SNTG1: variants seen among roughly 807,000 people sequenced by gnomAD.
SNTG1 encodes the protein gamma-1-syntrophin.
A neutral mutation model predicts 74.7 loss-of-function variants in SNTG1; 39 were observed. The observed-to-expected ratio is 0.52, with a 90% CI of 0.40 to 0.68. The LOEUF (loss-of-function observed/expected upper bound fraction) is 0.68. SNTG1 is among the 30% of genes least tolerant of loss of function. The pLI is 0.00. For missense variants in SNTG1, 685 were observed against 609.5 expected (o/e 1.12, Z -1.30); for synonymous variants, 254 against 217.1 (o/e 1.17, Z -1.49).
chr8:50,361,220 C>T (rs1178118745), intron 2 of SNTG1, among the ~76,000 whole-genome samples: 1 of 152,146 alleles, frequency 6.6e-6, no homozygotes, highest in Non-Finnish European at 1.5e-5. Flanking sequence ...TCAGAATCAT[C>T]AATATCACTG....
At chr8:50,688,910 G>C (rs1156441039) in intron 15 of SNTG1, among the ~76,000 whole-genome samples, 2 of 152,000 alleles carry the variant, frequency 1.3e-5, no homozygotes, top group Admixed American at 6.6e-5. Flanking sequence ...TCTCCCATTT[G>C]TTTGTATCCT....
At chr8:50,058,181 C>T (rs1820185414) in intron 1 of SNTG1, among the ~76,000 whole-genome samples, 1 of 152,040 alleles carries the variant, frequency 6.6e-6, no homozygotes. Flanking sequence ...GGGTTACCAC[C>T]AGAGGCACTT....
chr8:50,497,724 A>G (rs1315848517), intron 8 of SNTG1, among the ~76,000 whole-genome samples: 1 of 152,006 alleles, frequency 6.6e-6, no homozygotes, highest in Non-Finnish European at 1.5e-5. Context: ...CATTTACCCT[A>G]AAAGTTTAAT....
chr8:49,957,172 C>T (rs556928772), intron 1 of SNTG1, among the ~76,000 whole-genome samples: 41 of 152,322 alleles, frequency 2.7e-4, no homozygotes, highest in Non-Finnish European at 4.4e-4. Flanking sequence ...TTCTGCACCC[C>T]TAACTGGTGT....
intron 1 of SNTG1, among the ~76,000 whole-genome samples, chr8:49,943,632 G>A (rs1808896244): frequency 6.6e-6 from 1 of 152,164 alleles, no homozygotes; most frequent in Admixed American, 6.5e-5. Context: ...TTGCCCTTCT[G>A]GCCCTATAAT....
chr8:50,199,829 G>C (rs145273166), intron 2 of SNTG1, among the ~76,000 whole-genome samples: 7 of 152,222 alleles, frequency 4.6e-5, no homozygotes, highest in Admixed American at 2.6e-4. Flanking sequence ...CGTGGTTTCA[G>C]TTTCATCAGT....
intron 8 of SNTG1, among the ~76,000 whole-genome samples, chr8:50,462,214 A>G (rs1161479798): frequency 7.3e-6 from 1 of 136,760 alleles, no homozygotes; most frequent in African/African-American, 2.5e-5. Context: ...ATTTTGGTTT[A>G]TGAAAATATC....
intron 11 of SNTG1, among the ~76,000 whole-genome samples, chr8:50,537,841 A>G (rs2094318679): frequency 6.6e-6 from 1 of 152,192 alleles, no homozygotes; most frequent in Admixed American, 6.5e-5. Context: ...ATATAAATAA[A>G]TGAGCACACC....
chr8:50,302,157 C>G (rs1482502769), intron 2 of SNTG1, among the ~76,000 whole-genome samples: 1 of 152,172 alleles, frequency 6.6e-6, no homozygotes, highest in Non-Finnish European at 1.5e-5. Flanking sequence ...ACTTTGCTGA[C>G]AGACCGGTGT....
chr8:50,455,802 T>C (rs1362975620), intron 8 of SNTG1, among the ~76,000 whole-genome samples: 1 of 152,230 alleles, frequency 6.6e-6, no homozygotes, highest in Admixed American at 6.5e-5. Flanking sequence ...AAGATCATTT[T>C]AGATTAAAAT....
chr8:50,247,477 T>A (rs1046133470), intron 2 of SNTG1, among the ~76,000 whole-genome samples: 1 of 152,156 alleles, frequency 6.6e-6, no homozygotes, highest in Admixed American at 6.6e-5. Context: ...TTAGTGCAAC[T>A]TACTTTGGTG....
At position 50,704,672 on chromosome 8, in the gene SNTG1, T is replaced by A; in HGVS notation, c.1111T>A (p.Ser371Thr). The change falls in exon 16 of 19, where the codon TCA becomes ACA. Residue 371 changes from serine to threonine, a missense_variant. Transcript: ENST00000642720. ...QSESGEDLYF[S>T]VELESDLAQW... ...TGAGTCTGGGGAGGACCTGTACTTC[T>A]CAGTGGAGCTGGAAAGTGACCTCGC... is the stretch of plus-strand genomic sequence containing the variant. 1 of 1,614,112 alleles carries A rather than the reference T, an allele frequency of 6.2e-7. No individual in the cohort carries two copies. Among genetic ancestry groups the A allele is most frequent in the Non-Finnish European group, 8.5e-7 (1 of 1,180,018 alleles).
chr8:50,174,570 C>T (rs62516685), intron 2 of SNTG1, among the ~76,000 whole-genome samples: 45,137 of 151,982 alleles, frequency 0.3, 6,820 homozygotes, highest in South Asian at 0.43. Context: ...CCCTTTCTAA[C>T]GCATTATAAA....
intron 2 of SNTG1, among the ~76,000 whole-genome samples, chr8:50,343,112 C>A (rs766917772): frequency 4.1e-4 from 63 of 152,144 alleles, no homozygotes; most frequent in Admixed American, 1.4e-3. Context: ...ACTGTTTAAT[C>A]CCCAGTACTT....
At chr8:50,105,733 A>G (rs2080346004) in intron 1 of SNTG1, among the ~76,000 whole-genome samples, 1 of 152,100 alleles carries the variant, frequency 6.6e-6, no homozygotes, top group Non-Finnish European at 1.5e-5. Flanking sequence ...ATCTCATTGT[A>G]GAGAAATTTC....
chr8:50,665,205 G>C (rs568322444), intron 15 of SNTG1, among the ~76,000 whole-genome samples: 1 of 152,226 alleles, frequency 6.6e-6, no homozygotes, highest in Non-Finnish European at 1.5e-5. Context: ...TATTCAGAGT[G>C]AATGCAGGTG....
At chr8:50,171,409 G>A (rs895352485) in intron 1 of SNTG1, among the ~76,000 whole-genome samples, 1 of 152,058 alleles carries the variant, frequency 6.6e-6, no homozygotes, top group Non-Finnish European at 1.5e-5. Flanking sequence ...GGAGAAATAT[G>A]TAGGCTGGGC....
Position 50,278,299 on chromosome 8 carries a change from CAA to C in SNTG1, c.-28+105666_-28+105667del, listed in dbSNP as rs1162117017. Among the ~76,000 whole-genome samples, 3 of 152,094 alleles carry C rather than the reference CAA, an allele frequency of 2.0e-5. No individual in the cohort carries two copies. In the East Asian group the frequency reaches 5.8e-4, roughly 29 times the overall value. On this transcript the variant is annotated intron_variant, in intron 2 of 18. Coordinates refer to ENST00000642720, the MANE Select transcript of SNTG1 (RefSeq NM_018967.5). ...TGTTGAATATAATATTTTTCAAAGA[CAA>C]AGAGTTGCTTAGTTATTTATAGGTC...
At chr8:50,756,928 T>A (rs984224414) in intron 18 of SNTG1, among the ~76,000 whole-genome samples, 1 of 151,782 alleles carries the variant, frequency 6.6e-6, no homozygotes, top group African/African-American at 2.4e-5. Context: ...ATTTAGTACT[T>A]CTTTGATTTA....
Sources: gnomAD v4.1 joint callset for allele counts (sites outside exome capture counted in the v4.1 genomes callset) on GRCh38, gnomAD v4.1.1 for gene constraint, MANE v1.5 for transcripts, NCBI Gene and HGNC (gene_info 2026-07-23, HGNC 2026-07-21) for gene names.